FAT4: variants seen among roughly 807,000 people sequenced by gnomAD.
FAT4 encodes FAT atypical cadherin 4, also known as protocadherin Fat 4.
A neutral mutation model predicts 303.9 loss-of-function variants in FAT4; 84 were observed. That is an observed-to-expected ratio of 0.28 (90% CI 0.23 to 0.33). The LOEUF is 0.33. FAT4 is among the 10% of genes least tolerant of loss of function. FAT4 has a pLI of 1.00. For synonymous variants in FAT4, 2,307 were observed against 2,298.8 expected (o/e 1.00, Z -0.10); for missense variants, 6,005 against 6,146.8 (o/e 0.98, Z 0.77).
At chr4:125,381,020 T>A (rs1234235682) in intron 2 of FAT4, among the ~76,000 whole-genome samples, 1 of 152,146 alleles carries the variant, frequency 6.6e-6, no homozygotes, top group Non-Finnish European at 1.5e-5. Flanking sequence ...ACAGAAACAT[T>A]CCAATTTCAA....
chr4:125,428,994 A>G lies in FAT4; in HGVS notation c.7019-5251A>G, dbSNP rs76679585. On this transcript the variant is annotated intron_variant, in intron 7 of 17. Coordinates refer to ENST00000394329, the MANE Select transcript of FAT4 (RefSeq NM_001291303.3). ...AGGTGGAATTGAACAATTTTGCCCTATTACACCACTACCTATATAATTCAT... is the reference window on the plus strand; with the variant it reads ...AGGTGGAATTGAACAATTTTGCCCTGTTACACCACTACCTATATAATTCAT... Among the ~76,000 whole-genome samples, 44 of 152,296 alleles carry G rather than the reference A, an allele frequency of 2.9e-4. 1 individual carries two copies. The East Asian group carries it at 8.3e-3, about 29-fold the overall frequency.
chr4:125,358,622 G>C (rs781341194), intron 2 of FAT4, among the ~76,000 whole-genome samples: 4 of 152,134 alleles, frequency 2.6e-5, no homozygotes, highest in Non-Finnish European at 5.9e-5. Context: ...AGGTGATAAA[G>C]TGAGTGATGG....
intron 2 of FAT4, among the ~76,000 whole-genome samples, chr4:125,344,962 A>G (rs1731940461): frequency 6.6e-6 from 1 of 152,104 alleles, no homozygotes; most frequent in South Asian, 2.1e-4. Flanking sequence ...GAATTTGTGA[A>G]TGGATGAGTT....
At position 125,342,437 on chromosome 4, in the gene FAT4, T is replaced by C. The variant is rs75726540; in HGVS notation, c.5175+20851T>C. On this transcript the variant is annotated intron_variant, in intron 2 of 17. Coordinates refer to ENST00000394329, the MANE Select transcript of FAT4 (RefSeq NM_001291303.3). Reference sequence around the variant, plus strand: ...ACTGGTTTTGTTCAGAATCCCTTCATTGACTTTTCAGCACTTACCTTTAAC... The same window carrying C: ...ACTGGTTTTGTTCAGAATCCCTTCACTGACTTTTCAGCACTTACCTTTAAC... 4.3e-3 allele frequency among the ~76,000 whole-genome samples: 656 copies of C among 152,132 alleles called. 5 individuals carry two copies. The highest frequency in any genetic ancestry group is 0.015 in the African/African-American group (624 of 41,572).
At chr4:125,394,945 A>G (rs748595671) in intron 2 of FAT4, among the ~76,000 whole-genome samples, 4 of 152,142 alleles carry the variant, frequency 2.6e-5, no homozygotes, top group Non-Finnish European at 5.9e-5. Flanking sequence ...TTTCTTTTAT[A>G]TATTTTGGTG....
chr4:125,452,505 G>A lies in FAT4; in HGVS notation c.11495G>A (p.Arg3832His), dbSNP rs539061913. ...RLAVSSVLKS[R>H]ESLPVIIVAN... is the part of the protein sequence containing the mutation. ...GCTGTGAGCTCCGTATTAAAAAGCC[G>A]TGAGAGTCTTCCAGTCATCATCGTG... is the stretch of plus-strand genomic sequence containing the variant. Residue 3832 changes from arginine to histidine, a missense_variant, in exon 10 of 18, where the codon CGT becomes CAT. By Grantham distance (29) the Arg-to-His change is conservative (BLOSUM62 0). Coordinates refer to ENST00000394329, the MANE Select transcript of FAT4 (RefSeq NM_001291303.3). 7.6e-5 allele frequency: 123 copies of A among 1,614,026 alleles called. 2 individuals carry two copies. In the South Asian group the frequency reaches 1.1e-3, roughly 14 times the overall value.
At chr4:125,463,173 A>G (rs1372201406) in intron 10 of FAT4, among the ~76,000 whole-genome samples, 1 of 152,044 alleles carries the variant, frequency 6.6e-6, no homozygotes, top group Non-Finnish European at 1.5e-5. Context: ...TACCTAAGTC[A>G]AGAAAATCTC....
At chr4:125,325,365 A>G (rs946937762) in intron 2 of FAT4, among the ~76,000 whole-genome samples, 1 of 152,190 alleles carries the variant, frequency 6.6e-6, no homozygotes, top group Non-Finnish European at 1.5e-5. Flanking sequence ...GGTGATGGTT[A>G]GAAGTTTTCC....
chr4:125,346,953 C>T (rs979677334), intron 2 of FAT4, among the ~76,000 whole-genome samples: 4 of 151,930 alleles, frequency 2.6e-5, no homozygotes, highest in Non-Finnish European at 5.9e-5. Context: ...GTGTTACCCT[C>T]TCCTTTAAAT....
rs750931135 is a variant in FAT4, at chr4:125,414,986, G to A, written c.6023G>A (p.Arg2008Gln). 9 of 1,613,896 alleles carry A rather than the reference G, an allele frequency of 5.6e-6. No individual in the cohort carries two copies. The highest frequency in any genetic ancestry group is 2.5e-6 in the Non-Finnish European group (3 of 1,179,912). Residue 2008 changes from arginine (R) to glutamine (Q), a missense_variant, in exon 6 of 18, where the codon CGG (arginine) becomes CAG (glutamine). By Grantham distance (43) the Arg-to-Gln change is conservative. Transcript: ENST00000394329. Reference protein sequence around the residue: ...GVLKVLKALDRESQSFYNLVV... With the variant: ...GVLKVLKALDQESQSFYNLVV... The stretch of plus-strand genomic sequence containing the variant: ...CTCAAAGTCCTAAAAGCTTTGGATC[G>A]GGAAAGTCAGTCCTTCTACAACTTG...
At chr4:125,321,825 ATATAT>A (rs1730965618) in intron 2 of FAT4, among the ~76,000 whole-genome samples, 1 of 152,202 alleles carries the variant, frequency 6.6e-6, no homozygotes, top group Non-Finnish European at 1.5e-5. Flanking sequence ...TAGCAATCAC[ATATAT>A]AAGGTTAAGG....
In FAT4 at chr4:125,416,448, G is replaced by A. The variant is rs1479135467; in HGVS notation, c.6844G>A (p.Val2282Met). The change falls in exon 7 of 18, where the codon GTG becomes ATG. Residue 2282 changes from valine to methionine, a missense_variant and splice_region_variant. Transcript: ENST00000394329. Reference sequence around the variant, plus strand: ...CATCTTGGTATGTACTGTTCTACAGGTGGTGGCAAGAGATGATGATCGAGG... The same window carrying A: ...CATCTTGGTATGTACTGTTCTACAGATGGTGGCAAGAGATGATGATCGAGG... ...LGTLPRTILQ[V>M]VARDDDRGSN... The A allele has an allele frequency of 6.2e-7, 1 of 1,612,812 alleles. No individual in the cohort carries two copies. Among genetic ancestry groups the A allele is most frequent in the Admixed American group, 1.7e-5 (1 of 59,904 alleles).
rs1421969633 is a variant in FAT4, at chr4:125,315,440, G to A, written c.-550G>A. 2.0e-5 allele frequency among the ~76,000 whole-genome samples: 3 copies of A among 152,112 alleles called. No homozygotes were observed. The highest frequency in any genetic ancestry group is 7.2e-5 in the African/African-American group (3 of 41,454). On this transcript the variant is annotated 5_prime_UTR_variant, in exon 1 of 18. Coordinates refer to ENST00000394329, the MANE Select transcript of FAT4 (RefSeq NM_001291303.3). ...GAGTGGGCTTCTGACTGGGGCCGCC[G>A]GAGAACGACCCCCCCTGGCATGGTG...
At position 125,491,695 on chromosome 4, in the gene FAT4, C is replaced by T. The variant is rs1727654418; in HGVS notation, c.14879C>T (p.Ala4960Val). 1 of 1,614,026 alleles carries T rather than the reference C, an allele frequency of 6.2e-7. No homozygotes were observed. Among genetic ancestry groups the T allele is most frequent in the Admixed American group, 1.7e-5 (1 of 60,004 alleles). ...KDLASLPEKA[A>V]ANEEGKAGTT... ...TTGGCATCTCTTCCAGAAAAAGCAG[C>T]AGCAAATGAAGAAGGCAAAGCTGGG... is the stretch of plus-strand genomic sequence containing the variant. Residue 4960 changes from alanine to valine, a missense_variant, in exon 18 of 18, where the codon GCA (alanine) becomes GTA (valine). By Grantham distance (64) the Ala-to-Val change is moderately conservative (BLOSUM62 0). Transcript: ENST00000394329.
In FAT4 at chr4:125,490,232, C is replaced by G. The variant is rs141983394; in HGVS notation, c.13416C>G (p.Gly4472=). The part of the protein sequence containing the change: ...RTCEMVVACL[G]VLCPQGKVCK... Reference sequence around the variant, plus strand: ...GTGAGATGGTGGTGGCCTGTCTTGGCGTCCTCTGTCCTCAGGGGAAGGTGT... The same window carrying G: ...GTGAGATGGTGGTGGCCTGTCTTGGGGTCCTCTGTCCTCAGGGGAAGGTGT... The change falls in exon 18 of 18, where the codon GGC becomes GGG. Residue 4472 remains glycine, a synonymous_variant. Coordinates refer to ENST00000394329, the MANE Select transcript of FAT4 (RefSeq NM_001291303.3). 8 of 1,614,102 alleles carry G rather than the reference C, an allele frequency of 5.0e-6. No homozygotes were observed. Among genetic ancestry groups the G allele is most frequent in the Non-Finnish European group, 6.8e-6 (8 of 1,180,024 alleles).
intron 2 of FAT4, among the ~76,000 whole-genome samples, chr4:125,323,986 G>T (rs1434541714): frequency 6.6e-6 from 1 of 152,074 alleles, no homozygotes; most frequent in African/African-American, 2.4e-5. Context: ...CTGACATTTG[G>T]GGTAAGAGGC....
rs1206560341 is a variant in FAT4, at chr4:125,448,743, T to G, written c.7733T>G (p.Phe2578Cys). The G allele has an allele frequency of 6.2e-7, 1 of 1,613,486 alleles. No individual in the cohort carries two copies. Among genetic ancestry groups the G allele is most frequent in the Non-Finnish European group, 8.5e-7 (1 of 1,179,918 alleles). The change falls in exon 10 of 18, where the codon TTT becomes TGT. Residue 2578 changes from phenylalanine to cysteine, a missense_variant. Physicochemically the swap from Phe to Cys is radical, Grantham distance 205 (BLOSUM62 -2). Coordinates refer to ENST00000394329, the MANE Select transcript of FAT4 (RefSeq NM_001291303.3). Reference protein sequence around the residue: ...KVRAKEQTFMFPENQPVSSLV... With the variant: ...KVRAKEQTFMCPENQPVSSLV... ...AGAGCCAAAGAACAAACGTTCATGT[T>G]TCCTGAAAACCAACCAGTCAGCTCT...
At chr4:125,476,645 C>T (rs1727040171) in intron 13 of FAT4, among the ~76,000 whole-genome samples, 2 of 128,146 alleles carry the variant, frequency 1.6e-5, no homozygotes, top group Admixed American at 7.3e-5. Flanking sequence ...TAAAGCTGAG[C>T]ACAGCAGTAA....
intron 2 of FAT4, among the ~76,000 whole-genome samples, chr4:125,389,688 T>C (rs1182244155): frequency 6.6e-6 from 1 of 152,038 alleles, no homozygotes; most frequent in Non-Finnish European, 1.5e-5. Context: ...ATTTCTCCCA[T>C]TTTTTTCACA....
Sources: gnomAD v4.1 joint callset for allele counts (sites outside exome capture counted in the v4.1 genomes callset) on GRCh38, gnomAD v4.1.1 for gene constraint, MANE v1.5 for transcripts, NCBI Gene and HGNC (gene_info 2026-07-23, HGNC 2026-07-21) for gene names.